TAF1: variants seen among roughly 807,000 people sequenced by gnomAD.
The protein encoded by TAF1 is transcription initiation factor TFIID subunit 1.
A neutral mutation model predicts 138.5 loss-of-function variants in TAF1; 2 were observed. The observed-to-expected ratio is 0.01, with a 90% CI of 0.01 to 0.05. The LOEUF is 0.05. Among genes scored for constraint, TAF1 ranks in the 10% least tolerant of loss-of-function variants. The pLI is 1.00. For synonymous variants in TAF1, 437 were observed against 503.2 expected, an observed-to-expected ratio of 0.87 and a Z score of 1.76; for missense variants, 709 against 1,478.0, an observed-to-expected ratio of 0.48 and a Z score of 8.53.
rs1404607423 is a variant in TAF1 at position 71,384,880 on chromosome X, T to G, written c.2122-65T>G. 8 of 843,088 alleles carry G rather than the reference T, an allele frequency of 9.5e-6. No individual in the cohort carries two copies. The East Asian group carries it at 9.5e-5, about 10-fold the overall frequency. 69.5% of individuals were successfully genotyped at this position (843,088 alleles called of 1,213,427 possible). On this transcript the variant is annotated intron_variant, in intron 13 of 37. Transcript: ENST00000423759. Reference sequence around the variant, plus strand: ...TACTCAACCTGTATTAGTAAAGTGCTATGGTCATATTGTGTAGGATTATTG... The same window carrying G: ...TACTCAACCTGTATTAGTAAAGTGCGATGGTCATATTGTGTAGGATTATTG...
intron 32 of TAF1, among the ~76,000 whole-genome samples, chrX:71,448,786 A>C (rs1053116488): frequency 1.9e-5 from 2 of 107,626 alleles, no homozygotes; most frequent in African/African-American, 6.8e-5. Flanking sequence ...GTATTAGTGG[A>C]TATTTCTTTT....
At chrX:71,372,461 T>TAGCTAGGG (rs1279343964) in intron 3 of TAF1, among the ~76,000 whole-genome samples, 1 of 82,718 alleles carries the variant, frequency 1.2e-5, no homozygotes, top group Non-Finnish European at 2.3e-5. Context: ...AAAAAAAAGA[T>TAGCTAGGG]AGCTAGGGTC....
At chrX:71,423,027 C>T in intron 29 of TAF1, 90 bp from the exon 30 acceptor site, 1 of 1,134,072 alleles carries the variant, frequency 8.8e-7, no homozygotes, top group East Asian at 3.1e-5. Flanking sequence ...CAGGCGTGAG[C>T]CACCACGCCC....
intron 13 of TAF1, among the ~76,000 whole-genome samples, chrX:71,504,741 C>CAAAAAAAAAAA (rs41370846): frequency 0.013 from 72 of 5,716 alleles, 5 homozygotes; most frequent in African/African-American, 0.015. Context: ...GACCCTGTCT[C>CAAAAAAAAAAA]AAAAAAAAAA....
rs2148176462 is a variant in TAF1, at chrX:71,372,366, A to G, written c.353-2801A>G. On this transcript the variant is annotated intron_variant, in intron 3 of 37. Coordinates refer to ENST00000423759, the MANE Select transcript of TAF1 (RefSeq NM_004606.5). ...AGAATCGCTTGAACCCGGGAGGCAG[A>G]GGTTGCAGTGAGCTGAGATCATGCC... 2.1e-5 allele frequency among the ~76,000 whole-genome samples: 2 copies of G among 94,283 alleles called. 1 individual carries two copies. Among genetic ancestry groups the G allele is most frequent in the Admixed American group, 2.7e-4 (2 of 7,427 alleles). The allele number at this position is 94,283 out of a possible 115,157, so 81.9% of individuals were successfully genotyped here.
chrX:71,446,000 T>A (rs1177505888), intron 32 of TAF1, among the ~76,000 whole-genome samples: 3 of 107,601 alleles, frequency 2.8e-5, no homozygotes, highest in African/African-American at 1.0e-4. Context: ...AACCTCTGCC[T>A]CCCGGATTGA....
intron 35 of TAF1, chrX:71,459,060 G>T (rs1049077858): frequency 4.9e-5 from 31 of 637,165 alleles, no homozygotes; most frequent in Non-Finnish European, 6.3e-5. Flanking sequence ...GGGATATCAG[G>T]GAGGAGCATC....
intron 34 of TAF1, 40 bp downstream of exon 34, chrX:71,454,897 TATTGGTTTGGGAA>T (rs759208378): frequency 1.4e-5 from 17 of 1,201,036 alleles, no homozygotes; most frequent in Non-Finnish European, 1.8e-5. Context: ...ATAGTTTTCT[TATTGGTTTGGGAA>T]ATTGGGAGCA....
intron 13 of TAF1, among the ~76,000 whole-genome samples, chrX:71,503,996 C>T (rs897782527): frequency 9.0e-6 from 1 of 111,193 alleles, no homozygotes; most frequent in African/African-American, 3.3e-5. Context: ...AGCCATTTGA[C>T]TTTAAATAAG....
rs2038681763 is a variant in TAF1 at position 71,464,511 on chromosome X, C to T, written c.*465C>T. On this transcript the variant is annotated 3_prime_UTR_variant, in exon 38 of 38. Coordinates refer to ENST00000423759, the MANE Select transcript of TAF1 (RefSeq NM_004606.5). ...CCTGAGGTCAGAAGTTCGAGACCAG[C>T]TTGGCCAACATGGCGAAACCGCATC... is the stretch of plus-strand genomic sequence containing the variant. 1 of 286,954 alleles carries T rather than the reference C, an allele frequency of 3.5e-6. No homozygotes were observed. The highest frequency in any genetic ancestry group is 2.7e-5 in the African/African-American group (1 of 36,643). The allele number at this position is 286,954 out of a possible 1,213,427, so 23.6% of individuals were successfully genotyped here. A position where few individuals can be genotyped will look rare whatever the true frequency, so the allele number is the denominator to read the frequency against.
At chrX:71,449,231 C>T (rs747984001) in intron 32 of TAF1, among the ~76,000 whole-genome samples, 4 of 110,787 alleles carry the variant, frequency 3.6e-5, no homozygotes, top group Non-Finnish European at 7.6e-5. Flanking sequence ...ATCAGGTGAT[C>T]CGTCCACCTG....
chrX:71,514,750 G>A (rs995238113), intron 13 of TAF1, among the ~76,000 whole-genome samples: 2 of 111,758 alleles, frequency 1.8e-5, no homozygotes, highest in African/African-American at 6.5e-5. Flanking sequence ...GGGAGATGAT[G>A]GGCCACATGC....
At chrX:71,410,459 T>C (rs1051920302) in intron 28 of TAF1, among the ~76,000 whole-genome samples, 12 of 93,338 alleles carry the variant, frequency 1.3e-4, no homozygotes, top group East Asian at 6.4e-4. Flanking sequence ...TTTTTCTTTT[T>C]TTTTTTTTTT....
intron 13 of TAF1, among the ~76,000 whole-genome samples, chrX:71,498,214 G>T (rs1444103694): frequency 8.9e-6 from 1 of 111,757 alleles, no homozygotes; most frequent in Non-Finnish European, 1.9e-5. Flanking sequence ...CGTCACATAA[G>T]TTGGGATGTG....
At chrX:71,452,696 G>A (rs754435787) in intron 32 of TAF1, among the ~76,000 whole-genome samples, 30 of 112,117 alleles carry the variant, frequency 2.7e-4, no homozygotes, top group Non-Finnish European at 4.3e-4. Context: ...GCACTTTGGG[G>A]GGCCAAGGCA....
At chrX:71,423,521 C>T (rs1290243824) in intron 30 of TAF1, among the ~76,000 whole-genome samples, 2 of 110,665 alleles carry the variant, frequency 1.8e-5, no homozygotes, top group African/African-American at 6.6e-5. Flanking sequence ...CTGAATAGCC[C>T]TGTAGAGAGA....
rs770845453 is a variant in TAF1, at chrX:71,448,321, A to C, written c.4754-5849A>C. Among the ~76,000 whole-genome samples the C allele has an allele frequency of 4.9e-4, 55 of 111,998 alleles. 1 individual carries two copies. The highest frequency in any genetic ancestry group is 1.1e-4 in the Non-Finnish European group (6 of 53,198). ...TAAGCTACAAAACCTATAGCTGATC[A>C]TCCTACTTTTAGTAAGCTCCTGATT... On this transcript the variant is annotated intron_variant, in intron 32 of 37. Transcript: ENST00000423759.
intron 31 of TAF1, 37 bp from the exon 32 acceptor site, chrX:71,424,117 G>GT (rs2036481933): frequency 8.3e-7 from 1 of 1,198,564 alleles, no homozygotes; most frequent in Admixed American, 2.2e-5. Flanking sequence ...GTGACTGTGT[G>GT]TGTGTGTATC....
rs767029973 is a variant in TAF1, at chrX:71,463,989, G to C, written c.5565G>C (p.Glu1855Asp). 3.3e-6 allele frequency: 4 copies of C among 1,199,789 alleles called. No homozygotes were observed. The East Asian group carries it at 1.2e-4, about 36-fold the overall frequency. The change falls in exon 38 of 38, where the codon GAG becomes GAC. Residue 1855 changes from glutamate (E) to aspartate (D), a missense_variant. This residue lies in a region of TAF1 where 123 missense variants were observed against 174.7 expected (regional missense o/e 0.70). Coordinates refer to ENST00000423759, the MANE Select transcript of TAF1 (RefSeq NM_004606.5). ...AGGTCCACCTGTCAGAGGACGAGGA[G>C]GACAGTGAGGATTTCCACTCCATTG... ...LSQVHLSEDE[E>D]DSEDFHSIAG...
Sources: gnomAD v4.1 joint callset for allele counts (sites outside exome capture counted in the v4.1 genomes callset) on GRCh38, gnomAD v4.1.1 for gene constraint, gnomAD v4.1.1 regional missense constraint, MANE v1.5 for transcripts, NCBI Gene and HGNC (gene_info 2026-07-23, HGNC 2026-07-21) for gene names.